Variants in AGAP1 observed in about 807,000 individuals in gnomAD.
AGAP1 encodes arf-GAP with GTPase, ANK repeat and PH domain-containing protein 1.
Under a neutral mutation model 105.3 loss-of-function variants are expected in AGAP1, and 29 were observed. The ratio of observed to expected loss-of-function variants is 0.28; its 90% CI spans 0.21 to 0.38. The LOEUF is 0.38. AGAP1 is among the 10% of genes least tolerant of loss of function. AGAP1 has a pLI of 1.00. For missense variants in AGAP1, 998 were observed against 1,165.1 expected, an observed-to-expected ratio of 0.86 and a Z score of 2.09; for synonymous variants, 509 against 485.9, an observed-to-expected ratio of 1.05 and a Z score of -0.63.
intron 1 of AGAP1, among the ~76,000 whole-genome samples, chr2:235,573,817 G>A (rs950867082): frequency 6.6e-6 from 1 of 152,246 alleles, no homozygotes; most frequent in African/African-American, 2.4e-5. Flanking sequence ...CACATGGAAT[G>A]TGCATTCCTA....
At chr2:235,499,217 T>C (rs11675343) in intron 1 of AGAP1, among the ~76,000 whole-genome samples, 19,714 of 152,226 alleles carry the variant, frequency 0.13, 1,527 homozygotes, top group East Asian at 0.31. Flanking sequence ...ATAGGCCGTG[T>C]GTGCAAAGCA....
chr2:235,748,744 C>T (rs544950554), intron 5 of AGAP1, among the ~76,000 whole-genome samples: 23 of 152,372 alleles, frequency 1.5e-4, no homozygotes, highest in African/African-American at 4.6e-4. Flanking sequence ...CTCAAATGCC[C>T]TTTCTCCACA....
At chr2:235,968,703 C>T (rs1474772037) in intron 13 of AGAP1, 80 bp downstream of exon 13, 1 of 1,422,594 alleles carries the variant, frequency 7.0e-7, no homozygotes, top group Non-Finnish European at 9.7e-7. Context: ...TGAAATTAGA[C>T]ACCCTTAGCA....
intron 1 of AGAP1, among the ~76,000 whole-genome samples, chr2:235,598,789 G>T (rs1945630131): frequency 6.6e-6 from 1 of 151,654 alleles, no homozygotes; most frequent in South Asian, 2.1e-4. Flanking sequence ...GGACGTCTTA[G>T]TCCCACTACC....
chr2:235,856,260 G>C (rs1042508670), intron 9 of AGAP1, among the ~76,000 whole-genome samples: 1 of 152,192 alleles, frequency 6.6e-6, no homozygotes, highest in Non-Finnish European at 1.5e-5. Flanking sequence ...TGAAGCTATA[G>C]CTTCCTCTCT....
chr2:235,628,461 G>A (rs1451358740), intron 1 of AGAP1, among the ~76,000 whole-genome samples: 1 of 152,190 alleles, frequency 6.6e-6, no homozygotes, highest in Non-Finnish European at 1.5e-5. Context: ...TTCTGGGAAT[G>A]TACTTGGCAG....
At position 236,109,672 on chromosome 2, in the gene AGAP1, G is replaced by C. The variant is rs1375418502; in HGVS notation, c.2115-10520G>C. ...CGTCCTAGTCGGCGGCAGCGTCGGT[G>C]CTCTGGACCGGCAGCCGTGGAAACG... On this transcript the variant is annotated intron_variant, in intron 16 of 17. Coordinates refer to ENST00000304032, the MANE Select transcript of AGAP1 (RefSeq NM_001037131.3). This position sits in a 1 kb window ranked among gnomAD's most constrained non-coding sequence, Gnocchi z 5.4. Among the ~76,000 whole-genome samples, 2 of 152,226 alleles carry C rather than the reference G, an allele frequency of 1.3e-5. No individual in the cohort carries two copies. Among genetic ancestry groups the C allele is most frequent in the Non-Finnish European group, 2.9e-5 (2 of 68,042 alleles).
rs1462596052 is a variant in AGAP1 at position 235,552,809 on chromosome 2, C to T, written c.163+57960C>T. On this transcript the variant is annotated intron_variant, in intron 1 of 17. Transcript: ENST00000304032. This position sits in a 1 kb window ranked among gnomAD's most constrained non-coding sequence, Gnocchi z 5.9. Reference sequence around the variant, plus strand: ...GCCAGCTGCAGAATGCAGTGCCTGACAGAGTGTGATGGGCCCCATCTCTCT... The same window carrying T: ...GCCAGCTGCAGAATGCAGTGCCTGATAGAGTGTGATGGGCCCCATCTCTCT... Among the ~76,000 whole-genome samples the T allele has an allele frequency of 6.6e-6, 1 of 152,182 alleles. No homozygotes were observed. The highest frequency in any genetic ancestry group is 1.9e-4 in the East Asian group (1 of 5,174).
Position 235,662,588 on chromosome 2 carries a change from C to A in AGAP1, c.164-46591C>A, listed in dbSNP as rs1947997647. Among the ~76,000 whole-genome samples, 1 of 151,220 alleles carries A rather than the reference C, an allele frequency of 6.6e-6. No homozygotes were observed. Among genetic ancestry groups the A allele is most frequent in the Admixed American group, 6.6e-5 (1 of 15,188 alleles). On this transcript the variant is annotated intron_variant, in intron 1 of 17. Transcript: ENST00000304032. The surrounding 1 kb of genome is among the most constrained non-coding windows in gnomAD (Gnocchi z 4.2). ...GTGGTGGCATCTCAGCTCACTGCAA[C>A]CTCTGCCTCCTGGGTTCAAGCGATT... is the stretch of plus-strand genomic sequence containing the variant.
At position 235,582,896 on chromosome 2, in the gene AGAP1, G is replaced by T. The variant is rs1027287712; in HGVS notation, c.163+88047G>T. Among the ~76,000 whole-genome samples the T allele has an allele frequency of 1.3e-5, 2 of 152,352 alleles. No individual in the cohort carries two copies. The highest frequency in any genetic ancestry group is 6.5e-5 in the Admixed American group (1 of 15,310). ...CAAGGATTTTGGTGAGCCTTTGATG[G>T]AGTGTGTTCCGGAATCGGGAGGAAG... On this transcript the variant is annotated intron_variant, in intron 1 of 17. Transcript: ENST00000304032. This position sits in a 1 kb window ranked among gnomAD's most constrained non-coding sequence, Gnocchi z 4.7.
chr2:235,995,026 C>CA (rs386355675), intron 13 of AGAP1, among the ~76,000 whole-genome samples: 4 of 121,846 alleles, frequency 3.3e-5, no homozygotes, highest in Non-Finnish European at 4.9e-5. Flanking sequence ...GAGATCGCGC[C>CA]TTGCACTCCA....
rs369538354 is a variant in AGAP1, at chr2:235,979,200, G to T, written c.1645+10577G>T. Among the ~76,000 whole-genome samples the T allele has an allele frequency of 3.3e-5, 5 of 150,726 alleles. No individual in the cohort carries two copies. In the East Asian group the frequency reaches 7.8e-4, roughly 23 times the overall value. ...TGTCCGGGCTAGTCTCAAATCCCTGGTCTCAAGAGATCCTCCCATGTCAGC... is the reference window on the plus strand; with the variant it reads ...TGTCCGGGCTAGTCTCAAATCCCTGTTCTCAAGAGATCCTCCCATGTCAGC... On this transcript the variant is annotated intron_variant, in intron 13 of 17. Transcript: ENST00000304032. This position sits in a 1 kb window ranked among gnomAD's most constrained non-coding sequence, Gnocchi z 4.5.
At chr2:236,079,305 G>A (rs1346125353) in intron 16 of AGAP1, among the ~76,000 whole-genome samples, 2 of 151,414 alleles carry the variant, frequency 1.3e-5, no homozygotes, top group Non-Finnish European at 2.9e-5. Flanking sequence ...AGTTTCTTGA[G>A]GCCAGGAGTT....
At chr2:236,075,916 G>C (rs975894504) in intron 16 of AGAP1, among the ~76,000 whole-genome samples, 23 of 152,344 alleles carry the variant, frequency 1.5e-4, no homozygotes, top group African/African-American at 5.5e-4. Context: ...TTCCATTAGA[G>C]CAAACCTCCG....
chr2:235,836,619 A>T lies in AGAP1; in HGVS notation c.1050+29288A>T, dbSNP rs74849724. Among the ~76,000 whole-genome samples, 368 of 152,348 alleles carry T rather than the reference A, an allele frequency of 2.4e-3. 1 individual carries two copies. Among genetic ancestry groups the T allele is most frequent in the African/African-American group, 8.4e-3 (351 of 41,578 alleles). The stretch of plus-strand genomic sequence containing the variant: ...ACACTTTTTCTCCTCTTGGGTTCTC[A>T]GATTTCAAACCGTGTTGATCTGTGT... On this transcript the variant is annotated intron_variant, in intron 9 of 17. Coordinates refer to ENST00000304032, the MANE Select transcript of AGAP1 (RefSeq NM_001037131.3).
chr2:236,063,174 A>G (rs1408319329), intron 16 of AGAP1, among the ~76,000 whole-genome samples: 5 of 151,578 alleles, frequency 3.3e-5, no homozygotes, highest in East Asian at 1.9e-4. Flanking sequence ...GCTCACTGCA[A>G]CCTCCACCTC....
At position 236,040,850 on chromosome 2, in the gene AGAP1, G is replaced by A. The variant is rs1398055000; in HGVS notation, c.1891+9G>A. ...GGACTGCGAGACCCAGAGTAAGTGTGTGCGGTGGTAGCAGGGGCTGGCGCT... is the reference window on the plus strand; with the variant it reads ...GGACTGCGAGACCCAGAGTAAGTGTATGCGGTGGTAGCAGGGGCTGGCGCT... On this transcript the variant is annotated intron_variant, in intron 15 of 17. Coordinates refer to ENST00000304032, the MANE Select transcript of AGAP1 (RefSeq NM_001037131.3). The surrounding 1 kb of genome is among the most constrained non-coding windows in gnomAD (Gnocchi z 5.6). The A allele has an allele frequency of 6.2e-7, 1 of 1,614,146 alleles. No individual in the cohort carries two copies. Among genetic ancestry groups the A allele is most frequent in the Admixed American group, 1.7e-5 (1 of 60,028 alleles).
chr2:235,504,679 AAGCCGCTCCTGCAGCCCAGC>A (rs1426948622), intron 1 of AGAP1, among the ~76,000 whole-genome samples: 1 of 151,960 alleles, frequency 6.6e-6, no homozygotes, highest in Non-Finnish European at 1.5e-5. Flanking sequence ...GCTGCTCGTG[AAGCCGCTCCTGCAGCCCAGC>A]AGCCCCTATC....
intron 1 of AGAP1, among the ~76,000 whole-genome samples, chr2:235,704,906 C>G (rs1478370188): frequency 1.3e-5 from 2 of 148,844 alleles, no homozygotes; most frequent in Non-Finnish European, 3.0e-5. Flanking sequence ...CGGCACCTGT[C>G]TAGTTCTTGG....
Sources: gnomAD v4.1 joint callset for allele counts (sites outside exome capture counted in the v4.1 genomes callset) on GRCh38, gnomAD v4.1.1 for gene constraint, Gnocchi (gnomAD v3.1) non-coding constraint, MANE v1.5 for transcripts, NCBI Gene and HGNC (gene_info 2026-07-23, HGNC 2026-07-21) for gene names.